The following FNDC1 variants were observed in gnomAD, a reference collection of about 807,000 sequenced individuals.
The protein encoded by FNDC1 is fibronectin type III domain containing 1.
In FNDC1, 96 loss-of-function variants were observed where a neutral mutation model predicts 168.0. The observed-to-expected ratio is 0.57, with a 90% CI of 0.48 to 0.68. The LOEUF is 0.68. Ranked by LOEUF, FNDC1 falls within the 30% of genes least tolerant of loss-of-function variation. The pLI is 0.00. For synonymous variants in FNDC1, 1,099 were observed against 1,025.9 expected (o/e 1.07, Z -1.36); for missense variants, 2,587 against 2,482.1 (o/e 1.04, Z -0.90).
chr6:159,258,127 G>T (rs1048518923), intron 18 of FNDC1, among the ~76,000 whole-genome samples: 1 of 152,140 alleles, frequency 6.6e-6, no homozygotes, highest in East Asian at 1.9e-4. Context: ...TATGTAGGGC[G>T]ATGGTTTACT....
At chr6:159,206,942 T>C (rs1782498384) in intron 4 of FNDC1, among the ~76,000 whole-genome samples, 3 of 152,238 alleles carry the variant, frequency 2.0e-5, no homozygotes, top group Admixed American at 2.0e-4. Context: ...GTTTCAAAGC[T>C]GCCTCTCATG....
At chr6:159,265,955 CAAA>C in intron 20 of FNDC1, 126 bp from the exon 21 acceptor site, 2 of 955,404 alleles carry the variant, frequency 2.1e-6, no homozygotes, top group Non-Finnish European at 3.1e-6. Flanking sequence ...ACAACACAAA[CAAA>C]CAAACAAACA....
rs764075940 is a variant in FNDC1, at chr6:159,225,554, C to T, written c.904C>T (p.Arg302Ter). 6.2e-6 allele frequency: 10 copies of T among 1,613,248 alleles called. No homozygotes were observed. The highest frequency in any genetic ancestry group is 1.1e-5 in the South Asian group (1 of 90,938). ...TTACAGACAGTACACCGTGCGCTATCGAGAGAAGGGGGAATTGGCCAGGTG... is the reference window on the plus strand; with the variant it reads ...TTACAGACAGTACACCGTGCGCTATTGAGAGAAGGGGGAATTGGCCAGGTG... ...VASRQYTVRY[R>*]EKGELARWDY... The change falls in exon 8 of 23, where the codon CGA (arginine) becomes TGA (stop). Residue 302 changes from arginine (R) to a stop codon, truncating the protein, a stop_gained. Transcript: ENST00000297267. LOFTEE classifies it high-confidence loss of function.
Position 159,251,330 on chromosome 6 carries a change from C to G in FNDC1, c.4863C>G (p.Asp1621Glu). The G allele has an allele frequency of 6.2e-7, 1 of 1,613,864 alleles. No individual in the cohort carries two copies. The highest frequency in any genetic ancestry group is 8.5e-7 in the Non-Finnish European group (1 of 1,179,802). Reference sequence around the variant, plus strand: ...CTTACGTGACGTACCTAAATAAAGACCCATCAGCCCCGTGCTCTCTGACTG... The same window carrying G: ...CTTACGTGACGTACCTAAATAAAGAGCCATCAGCCCCGTGCTCTCTGACTG... ...VAPYVTYLNK[D>E]PSAPCSLTDA... Residue 1621 changes from aspartate (D) to glutamate (E), a missense_variant, in exon 17 of 23, where the codon GAC becomes GAG. Physicochemically the swap from Asp to Glu is conservative, Grantham distance 45. Transcript: ENST00000297267.
intron 1 of FNDC1, among the ~76,000 whole-genome samples, chr6:159,181,181 G>C (rs1781870207): frequency 6.6e-6 from 1 of 152,168 alleles, no homozygotes; most frequent in Non-Finnish European, 1.5e-5. Context: ...ATTCTGACTG[G>C]CATGAGATGG....
Position 159,234,198 on chromosome 6 carries a change from C to A in FNDC1, c.3686C>A (p.Ala1229Glu), listed in dbSNP as rs1245385970. The part of the protein sequence containing the change: ...LAKEEREPAI[A>E]LAPRGGSLAP... ...AAGGAAGAGAGGGAGCCTGCCATCGCGCTTGCCCCTCGCGGAGGGAGCCTG... is the reference window on the plus strand; with the variant it reads ...AAGGAAGAGAGGGAGCCTGCCATCGAGCTTGCCCCTCGCGGAGGGAGCCTG... Residue 1229 changes from alanine (A) to glutamate (E), a missense_variant, in exon 11 of 23, where the codon GCG becomes GAG. Ala to Glu is a moderately radical substitution (Grantham distance 107). Coordinates refer to ENST00000297267, the MANE Select transcript of FNDC1 (RefSeq NM_032532.3). 1.9e-6 allele frequency: 3 copies of A among 1,598,626 alleles called. No homozygotes were observed. The highest frequency in any genetic ancestry group is 2.7e-5 in the African/African-American group (2 of 74,648).
At chr6:159,195,438 C>T (rs1782223521) in intron 1 of FNDC1, among the ~76,000 whole-genome samples, 1 of 152,090 alleles carries the variant, frequency 6.6e-6, no homozygotes, top group African/African-American at 2.4e-5. Context: ...TGGTAAACAG[C>T]TCTGGAGGTC....
chr6:159,184,350 T>A (rs1781948137), intron 1 of FNDC1, among the ~76,000 whole-genome samples: 1 of 152,242 alleles, frequency 6.6e-6, no homozygotes, highest in Non-Finnish European at 1.5e-5. Context: ...CCTTAAATAT[T>A]TTTTTCTATA....
chr6:159,206,516 T>A (rs556929196), intron 4 of FNDC1, among the ~76,000 whole-genome samples: 2 of 152,316 alleles, frequency 1.3e-5, no homozygotes, highest in South Asian at 4.1e-4. Flanking sequence ...ATTTGGCGGT[T>A]GCTTCTGCCC....
At chr6:159,195,952 A>G (rs1782234028) in intron 1 of FNDC1, among the ~76,000 whole-genome samples, 1 of 152,204 alleles carries the variant, frequency 6.6e-6, no homozygotes, top group African/African-American at 2.4e-5. Flanking sequence ...GTTTTCGGAT[A>G]TCTTGTTTTG....
chr6:159,200,430 A>T, intron 3 of FNDC1, 83 bp from the exon 4 acceptor site: 1 of 1,036,094 alleles, frequency 9.7e-7, no homozygotes, highest in Non-Finnish European at 1.4e-6. Flanking sequence ...AAGATCATTT[A>T]ATTATACATT....
Position 159,231,996 on chromosome 6 carries a change from C to T in FNDC1, c.1484C>T (p.Ala495Val). 1.2e-6 allele frequency: 2 copies of T among 1,613,984 alleles called. No individual in the cohort carries two copies. Among genetic ancestry groups the T allele is most frequent in the African/African-American group, 1.3e-5 (1 of 75,050 alleles). The change falls in exon 11 of 23, where the codon GCT (alanine) becomes GTT (valine). Residue 495 changes from alanine to valine, a missense_variant. Transcript: ENST00000297267. ...TCCTCCCAACACCCCTCTGTGCCTG[C>T]TTCTCCCCAAGGGAGAAATGCCAAG... ...PASSQHPSVP[A>V]SPQGRNAKDL...
Position 159,233,671 on chromosome 6 carries a change from G to T in FNDC1, c.3159G>T (p.Ser1053=). ...PTSQGRSHSS[S]DPYTASSRGM... ...CGCAGGGCCGCTCCCACTCCTCCTC[G>T]GACCCTTACACGGCGAGCTCCAGAG... Residue 1053 remains serine (S), a synonymous_variant, in exon 11 of 23, where the codon TCG becomes TCT. Transcript: ENST00000297267. This position sits in a 1 kb window ranked among gnomAD's most constrained non-coding sequence, Gnocchi z 4.6. 1 of 1,550,254 alleles carries T rather than the reference G, an allele frequency of 6.5e-7. No homozygotes were observed. The highest frequency in any genetic ancestry group is 8.7e-7 in the Non-Finnish European group (1 of 1,148,038).
intron 1 of FNDC1, among the ~76,000 whole-genome samples, chr6:159,174,415 C>T (rs554681593): frequency 1.5e-4 from 23 of 152,396 alleles, no homozygotes; most frequent in South Asian, 1.0e-3. Flanking sequence ...CTCGGCCCGG[C>T]CTGGGCAGCG....
chr6:159,236,159 TC>T lies in FNDC1; in HGVS notation c.3968-53del, dbSNP rs769579907. 128 of 1,309,886 alleles carry T rather than the reference TC, an allele frequency of 9.8e-5. 1 individual carries two copies. In the East Asian group the frequency reaches 2.9e-3, roughly 29 times the overall value. 81.1% of individuals were successfully genotyped at this position (1,309,886 alleles called of 1,614,324 possible). On this transcript the variant is annotated intron_variant, in intron 11 of 22. Coordinates refer to ENST00000297267, the MANE Select transcript of FNDC1 (RefSeq NM_032532.3). ...CTAATAGTTTGGTATGAAGCCAACT[TC>T]CCGGGCATGTTGAATTTACCAGGCT...
At chr6:159,226,601 A>T (rs762941721) in intron 9 of FNDC1, 21 bp downstream of exon 9, 5 of 1,543,250 alleles carry the variant, frequency 3.2e-6, no homozygotes, top group Non-Finnish European at 4.4e-6. Flanking sequence ...CACTCCCTAA[A>T]CTGTAAGATG....
At chr6:159,177,505 A>C (rs889685865) in intron 1 of FNDC1, among the ~76,000 whole-genome samples, 4 of 152,076 alleles carry the variant, frequency 2.6e-5, no homozygotes, top group African/African-American at 9.7e-5. Flanking sequence ...GGAGCTCAGG[A>C]GAAGCCTCCC....
chr6:159,178,231 G>C (rs1781806749), intron 1 of FNDC1, among the ~76,000 whole-genome samples: 1 of 152,170 alleles, frequency 6.6e-6, no homozygotes, highest in Admixed American at 6.5e-5. Flanking sequence ...TTGTAGCCAA[G>C]GATAATGAAC....
chr6:159,218,968 G>T (rs946651289), intron 5 of FNDC1, among the ~76,000 whole-genome samples: 13 of 152,138 alleles, frequency 8.5e-5, no homozygotes, highest in African/African-American at 3.1e-4. Flanking sequence ...GTGGGCAAAT[G>T]TGGTGGCACT....
Sources: allele counts gnomAD v4.1 joint callset (sites outside exome capture counted in the v4.1 genomes callset), GRCh38; gene constraint gnomAD v4.1.1; non-coding constraint Gnocchi (gnomAD v3.1); transcripts MANE v1.5; gene names NCBI Gene and HGNC (gene_info 2026-07-23, HGNC 2026-07-21).